The following FUT8 variants were observed in gnomAD, a reference collection of about 807,000 sequenced individuals.
FUT8 encodes alpha-(1,6)-fucosyltransferase.
Under a neutral mutation model 71.3 loss-of-function variants are expected in FUT8, and 29 were observed. That is an observed-to-expected ratio of 0.41 (90% CI 0.30 to 0.55). FUT8 has a LOEUF of 0.55. Among genes scored for constraint, FUT8 ranks in the 20% least tolerant of loss-of-function variants. The probability of loss-of-function intolerance (pLI) is 0.34; values close to 1 mark genes in which losing one functional copy is unlikely to be tolerated. For missense variants in FUT8, 544 were observed against 702.1 expected, an observed-to-expected ratio of 0.77 and a Z score of 2.55; for synonymous variants, 254 against 239.3, an observed-to-expected ratio of 1.06 and a Z score of -0.57.
At chr14:65,720,447 G>T (rs991511008) in intron 7 of FUT8, among the ~76,000 whole-genome samples, 2 of 152,210 alleles carry the variant, frequency 1.3e-5, no homozygotes, top group African/African-American at 4.8e-5. Flanking sequence ...AGCCCACTTG[G>T]TGCTCTGTTC....
intron 6 of FUT8, chr14:65,646,739 C>G (rs1457078534): frequency 6.6e-6 from 1 of 152,032 alleles, no homozygotes; most frequent in Non-Finnish European, 1.5e-5. Flanking sequence ...CTCTAATTGC[C>G]TAGCTAAGGG....
intron 3 of FUT8, among the ~76,000 whole-genome samples, chr14:65,611,301 A>ACACACACCC: frequency 2.6e-5 from 1 of 38,632 alleles, no homozygotes; most frequent in African/African-American, 1.4e-4. Flanking sequence ...ACACACACAC[A>ACACACACCC]CCCCCCAAGT....
At chr14:65,504,073 T>C (rs909105911) in intron 2 of FUT8, among the ~76,000 whole-genome samples, 2 of 152,244 alleles carry the variant, frequency 1.3e-5, no homozygotes, top group African/African-American at 2.4e-5. Context: ...GACATGCTTT[T>C]TGTCCTTGAA....
At chr14:65,575,458 A>G (rs1383956070) in intron 3 of FUT8, among the ~76,000 whole-genome samples, 1 of 152,148 alleles carries the variant, frequency 6.6e-6, no homozygotes, top group African/African-American at 2.4e-5. Flanking sequence ...TCCCATTTTG[A>G]TAGGATATCC....
In FUT8 at chr14:65,629,472, A is replaced by G. The variant is rs1024786921; in HGVS notation, c.483-20A>G. The G allele has an allele frequency of 6.6e-7, 1 of 1,520,868 alleles. No homozygotes were observed. Among genetic ancestry groups the G allele is most frequent in the Non-Finnish European group, 9.1e-7 (1 of 1,095,902 alleles). 94.2% of individuals were successfully genotyped at this position (1,520,868 alleles called of 1,614,324 possible). A position where few individuals can be genotyped will look rare whatever the true frequency, so the allele number is the denominator to read the frequency against. On this transcript the variant is annotated intron_variant, in intron 5 of 10. Coordinates refer to ENST00000673929, the MANE Select transcript of FUT8 (RefSeq NM_001371533.1). ...AGCAGTACAGACAAGTTCGATCTCC[A>G]TTGTTGTTTGTTTTAACAGGTCTAT...
At chr14:65,555,162 A>T (rs1885521288) in intron 2 of FUT8, among the ~76,000 whole-genome samples, 1 of 152,184 alleles carries the variant, frequency 6.6e-6, no homozygotes, top group Non-Finnish European at 1.5e-5. Context: ...TGTGACAGTG[A>T]CTATATATGC....
At chr14:65,663,821 T>C (rs1192358064) in intron 6 of FUT8, among the ~76,000 whole-genome samples, 1 of 152,134 alleles carries the variant, frequency 6.6e-6, no homozygotes, top group Non-Finnish European at 1.5e-5. Flanking sequence ...TGCTCAAAGC[T>C]TTAGGTTCTA....
chr14:65,630,045 G>A (rs1429759309), intron 6 of FUT8, among the ~76,000 whole-genome samples: 3 of 152,192 alleles, frequency 2.0e-5, no homozygotes, highest in African/African-American at 7.2e-5. Context: ...CCAGCTGGAG[G>A]TTATCAGCTA....
At chr14:65,609,294 C>CA (rs746431421) in intron 3 of FUT8, among the ~76,000 whole-genome samples, 1,675 of 115,746 alleles carry the variant, frequency 0.014, 30 homozygotes, top group African/African-American at 0.045. Context: ...GACTCTGTCT[C>CA]AAAAAAAAAA....
At chr14:65,497,423 C>T (rs184429392) in intron 2 of FUT8, among the ~76,000 whole-genome samples, 31 of 152,198 alleles carry the variant, frequency 2.0e-4, no homozygotes, top group Admixed American at 1.7e-3. Context: ...GATCTCTGGC[C>T]GTGGAGCCCA....
At chr14:65,408,315 A>G (rs2065094976), upstream of FUT8, among the ~76,000 whole-genome samples, 1 of 152,302 alleles carries the variant, frequency 6.6e-6, no homozygotes, top group East Asian at 1.9e-4. Context: ...CCTGGAATTG[A>G]CACATACCAC....
intron 7 of FUT8, among the ~76,000 whole-genome samples, chr14:65,673,403 A>G (rs555554934): frequency 1.3e-5 from 2 of 152,378 alleles, no homozygotes; most frequent in African/African-American, 4.8e-5. Flanking sequence ...CAAGGGGGAA[A>G]GATAGACAAC....
chr14:65,370,809 C>T, the FUT8 span, among the ~76,000 whole-genome samples: 2 of 152,050 alleles, frequency 1.3e-5, no homozygotes, highest in African/African-American at 2.4e-5. Flanking sequence ...GTGCAGCATG[C>T]GATAGAAACT....
chr14:65,674,395 A>G (rs1892614377), intron 7 of FUT8, among the ~76,000 whole-genome samples: 1 of 152,140 alleles, frequency 6.6e-6, no homozygotes, highest in Non-Finnish European at 1.5e-5. Flanking sequence ...AAAACTCATG[A>G]TACTCATTAT....
intron 1 of FUT8, among the ~76,000 whole-genome samples, chr14:65,444,988 G>C (rs957153880): frequency 1.3e-5 from 2 of 152,068 alleles, no homozygotes; most frequent in African/African-American, 4.8e-5. Flanking sequence ...GGTGGATCAT[G>C]AGGTCAGGAG....
chr14:65,405,904 C>T (rs1436828961), upstream of FUT8, among the ~76,000 whole-genome samples: 2 of 152,176 alleles, frequency 1.3e-5, no homozygotes, highest in Admixed American at 6.5e-5. Flanking sequence ...GGTTCATTGT[C>T]CCATCTTGGG....
chr14:65,466,515 C>G (rs1333949765), intron 2 of FUT8, among the ~76,000 whole-genome samples: 1 of 152,064 alleles, frequency 6.6e-6, no homozygotes, highest in African/African-American at 2.4e-5. Context: ...TTTGGGAGGC[C>G]AAGGCGGGTG....
At chr14:65,722,476 A>T (rs1421072993) in intron 8 of FUT8, among the ~76,000 whole-genome samples, 1 of 152,020 alleles carries the variant, frequency 6.6e-6, no homozygotes, top group Non-Finnish European at 1.5e-5. Flanking sequence ...TTTTATTTTC[A>T]TATTTCCCAC....
At chr14:65,492,781 T>TA (rs1018014427) in intron 2 of FUT8, among the ~76,000 whole-genome samples, 26 of 152,262 alleles carry the variant, frequency 1.7e-4, no homozygotes, top group African/African-American at 6.0e-4. Flanking sequence ...AAAAGGGTAA[T>TA]AAGAGATTCA....
Sources: gnomAD v4.1 joint callset for allele counts (sites outside exome capture counted in the v4.1 genomes callset) on GRCh38, gnomAD v4.1.1 for gene constraint, MANE v1.5 for transcripts, NCBI Gene and HGNC (gene_info 2026-07-23, HGNC 2026-07-21) for gene names.